Variants in KCNQ3 observed in about 807,000 individuals in gnomAD.
KCNQ3 encodes the protein potassium voltage-gated channel subfamily KQT member 3.
A neutral mutation model predicts 92.5 loss-of-function variants in KCNQ3; 30 were observed. That is an observed-to-expected ratio of 0.32 (90% CI 0.24 to 0.44). KCNQ3 has a LOEUF of 0.44. Among genes scored for constraint, KCNQ3 ranks in the 20% least tolerant of loss-of-function variants. The pLI, the probability that KCNQ3 is intolerant of heterozygous loss-of-function variation, is 1.00. For synonymous variants in KCNQ3, 450 were observed against 468.8 expected (o/e 0.96, Z 0.52); for missense variants, 913 against 1,140.3 (o/e 0.80, Z 2.87).
chr8:132,166,675 T>A (rs1278429738), intron 8 of KCNQ3, among the ~76,000 whole-genome samples: 2 of 152,140 alleles, frequency 1.3e-5, no homozygotes, highest in South Asian at 4.1e-4. Context: ...TTTATAATTA[T>A]AATTTGTAAT....
chr8:132,126,664 TC>T lies in KCNQ3; in HGVS notation c.*2597del, dbSNP rs1824680246. On this transcript the variant is annotated 3_prime_UTR_variant, in exon 15 of 15. Coordinates refer to ENST00000388996, the MANE Select transcript of KCNQ3 (RefSeq NM_004519.4). ...ACAATCAATACTTCCCTACTACTGA[TC>T]AATACAAACCCAATCTCTGCTGTCC... 6.6e-6 allele frequency: 1 copy of T among 152,058 alleles called. No homozygotes were observed. The highest frequency in any genetic ancestry group is 1.5e-5 in the Non-Finnish European group (1 of 68,038). 9.4% of individuals were successfully genotyped at this position (152,058 alleles called of 1,614,324 possible).
Position 132,125,796 on chromosome 8 carries a change from A to G in KCNQ3, c.*3466T>C, listed in dbSNP as rs1824646241. The G allele has an allele frequency of 6.6e-6, 1 of 152,230 alleles. No individual in the cohort carries two copies. Among genetic ancestry groups the G allele is most frequent in the Admixed American group, 6.5e-5 (1 of 15,284 alleles). The allele number at this position is 152,230 out of a possible 1,614,324, so 9.4% of individuals were successfully genotyped here. A position where few individuals can be genotyped will look rare whatever the true frequency, so the allele number is the denominator to read the frequency against. On this transcript the variant is annotated 3_prime_UTR_variant, in exon 15 of 15. Coordinates refer to ENST00000388996, the MANE Select transcript of KCNQ3 (RefSeq NM_004519.4). ...GTTTTCATGAAAACTAGGGCTTTGT[A>G]ATATCAATGTCATGTCTAATAAGCC...
chr8:132,282,263 A>G (rs114558893), intron 1 of KCNQ3, among the ~76,000 whole-genome samples: 23 of 152,284 alleles, frequency 1.5e-4, no homozygotes, highest in African/African-American at 5.5e-4. Flanking sequence ...ATCCTCTGAG[A>G]GTTTCTCTTC....
intron 1 of KCNQ3, among the ~76,000 whole-genome samples, chr8:132,431,261 G>A (rs1289124158): frequency 6.6e-6 from 1 of 152,180 alleles, no homozygotes; most frequent in Non-Finnish European, 1.5e-5. Context: ...GCCGGGGAGA[G>A]GATCTCCCTT....
intron 1 of KCNQ3, among the ~76,000 whole-genome samples, chr8:132,207,554 T>C (rs1053465541): frequency 6.6e-6 from 1 of 152,196 alleles, no homozygotes; most frequent in Non-Finnish European, 1.5e-5. Flanking sequence ...TCCAGCCTTT[T>C]CAACCACTTC....
chr8:132,134,414 T>C, intron 12 of KCNQ3, 26 bp from the exon 13 acceptor site: 1 of 1,468,438 alleles, frequency 6.8e-7, no homozygotes, highest in Non-Finnish European at 9.5e-7. Flanking sequence ...AGAGCAGGGA[T>C]TAAATTACAC....
chr8:132,480,314 G>C lies in KCNQ3; in HGVS notation c.219C>G (p.Gly73=). ...KDGTLLLEGG[G]RDEGQRRTPQ... is the part of the protein sequence containing the mutation. ...GGGTCCTCCGCTGCCCCTCGTCGCGGCCGCCGCCCTCCAGCAGCAGGGTCC... is the reference window on the plus strand; with the variant it reads ...GGGTCCTCCGCTGCCCCTCGTCGCGCCCGCCGCCCTCCAGCAGCAGGGTCC... Residue 73 remains glycine, a synonymous_variant, in exon 1 of 15, where the codon GGC becomes GGG. Coordinates refer to ENST00000388996, the MANE Select transcript of KCNQ3 (RefSeq NM_004519.4). 1.2e-6 allele frequency: 2 copies of C among 1,601,476 alleles called. No individual in the cohort carries two copies. The highest frequency in any genetic ancestry group is 1.7e-6 in the Non-Finnish European group (2 of 1,174,920).
chr8:132,226,492 A>G (rs1362267249), intron 1 of KCNQ3, among the ~76,000 whole-genome samples: 1 of 152,202 alleles, frequency 6.6e-6, no homozygotes, highest in Non-Finnish European at 1.5e-5. Flanking sequence ...AAAATAAACT[A>G]AGAAATTGAC....
At chr8:132,204,859 AT>A (rs1292771331) in intron 1 of KCNQ3, among the ~76,000 whole-genome samples, 1 of 152,174 alleles carries the variant, frequency 6.6e-6, no homozygotes, top group Non-Finnish European at 1.5e-5. Context: ...AAGTTGGTAA[AT>A]TCAGACCCTT....
intron 1 of KCNQ3, among the ~76,000 whole-genome samples, chr8:132,230,346 A>G (rs1481349152): frequency 6.6e-6 from 1 of 152,070 alleles, no homozygotes; most frequent in Non-Finnish European, 1.5e-5. Flanking sequence ...GCAAAGAGAA[A>G]TCACACCCAC....
In KCNQ3 at chr8:132,468,676, A is replaced by C. The variant is rs542902538; in HGVS notation, c.386+11471T>G. 2.6e-5 allele frequency among the ~76,000 whole-genome samples: 4 copies of C among 152,356 alleles called. No homozygotes were observed. In the South Asian group the frequency reaches 8.3e-4, roughly 32 times the overall value. ...AGTTATTACTAATATGCTGGTTTTA[A>C]AGGGCTCAACCCAACTGTTACACTC... On this transcript the variant is annotated intron_variant, in intron 1 of 14. Transcript: ENST00000388996.
intron 4 of KCNQ3, among the ~76,000 whole-genome samples, chr8:132,178,936 G>A (rs905986405): frequency 6.7e-6 from 1 of 148,670 alleles, no homozygotes; most frequent in Admixed American, 6.8e-5. Context: ...AATGGTCATA[G>A]GGTTCCTATT....
intron 1 of KCNQ3, among the ~76,000 whole-genome samples, chr8:132,406,093 A>G (rs1820471025): frequency 1.3e-5 from 2 of 152,130 alleles, no homozygotes; most frequent in African/African-American, 2.4e-5. Context: ...AACTTTTCCA[A>G]TTTCATAAGG....
At chr8:132,385,484 T>C (rs1192540699) in intron 1 of KCNQ3, among the ~76,000 whole-genome samples, 1 of 152,060 alleles carries the variant, frequency 6.6e-6, no homozygotes, top group African/African-American at 2.4e-5. Flanking sequence ...CCAAGGCCAT[T>C]AGGTCAGGAA....
chr8:132,425,861 C>T (rs1468774485), intron 1 of KCNQ3, among the ~76,000 whole-genome samples: 1 of 152,246 alleles, frequency 6.6e-6, no homozygotes, highest in African/African-American at 2.4e-5. Flanking sequence ...TATTCAGTCC[C>T]ACTGACTGGT....
chr8:132,431,660 G>A (rs1462916054), intron 1 of KCNQ3, among the ~76,000 whole-genome samples: 5 of 152,210 alleles, frequency 3.3e-5, no homozygotes, highest in African/African-American at 1.2e-4. Context: ...GTGGCTCCAG[G>A]GCCCCCAGAC....
At chr8:132,188,958 T>G (rs1048441062) in intron 1 of KCNQ3, among the ~76,000 whole-genome samples, 3 of 152,200 alleles carry the variant, frequency 2.0e-5, no homozygotes, top group African/African-American at 7.2e-5. Flanking sequence ...ATGAACAACA[T>G]GTACACGTGC....
intron 1 of KCNQ3, among the ~76,000 whole-genome samples, chr8:132,337,459 G>C (rs540487656): frequency 6.6e-6 from 1 of 152,146 alleles, no homozygotes; most frequent in African/African-American, 2.4e-5. Flanking sequence ...GATTGTGATC[G>C]TATCACTGTA....
intron 1 of KCNQ3, among the ~76,000 whole-genome samples, chr8:132,303,277 C>T (rs1817280420): frequency 7.2e-5 from 11 of 152,004 alleles, no homozygotes; most frequent in Admixed American, 5.2e-4. Context: ...TTTCTTTGTA[C>T]CTACTATGTG....
Sources: gnomAD v4.1 joint callset for allele counts (sites outside exome capture counted in the v4.1 genomes callset) on GRCh38, gnomAD v4.1.1 for gene constraint, MANE v1.5 for transcripts, NCBI Gene and HGNC (gene_info 2026-07-23, HGNC 2026-07-21) for gene names.